RB1: variants seen among roughly 807,000 people sequenced by gnomAD.
RB1 encodes retinoblastoma-associated protein.
In RB1, 18 loss-of-function variants were observed where a neutral mutation model predicts 135.4. The observed-to-expected ratio is 0.13, with a 90% CI of 0.09 to 0.20. The LOEUF is 0.20. Ranked by LOEUF, RB1 falls within the 10% of genes least tolerant of loss-of-function variation. RB1 has a pLI of 1.00. For missense variants in RB1, 868 were observed against 1,110.0 expected (o/e 0.78, Z 3.10); for synonymous variants, 365 against 373.2 (o/e 0.98, Z 0.25).
chr13:48,423,054 C>T (rs570826230), intron 17 of RB1, among the ~76,000 whole-genome samples: 26 of 151,988 alleles, frequency 1.7e-4, no homozygotes, highest in African/African-American at 4.3e-4. Context: ...CACTTGGGCC[C>T]GGGAGATTGA....
intron 2 of RB1, among the ~76,000 whole-genome samples, chr13:48,335,819 G>T (rs1258826157): frequency 1.3e-5 from 2 of 151,962 alleles, no homozygotes; most frequent in East Asian, 3.9e-4. Context: ...AAGGAGACCT[G>T]GACCTTAAAA....
intron 17 of RB1, 64 bp from the exon 18 acceptor site, chr13:48,452,929 T>C: frequency 1.2e-6 from 2 of 1,601,184 alleles, no homozygotes; most frequent in Non-Finnish European, 1.7e-6. Flanking sequence ...CAATATGATT[T>C]TGATATGTAC....
intron 23 of RB1, among the ~76,000 whole-genome samples, chr13:48,466,715 G>T (rs1319400727): frequency 1.0e-5 from 1 of 99,938 alleles, no homozygotes; most frequent in Non-Finnish European, 2.1e-5. Flanking sequence ...GTGCTTAAAG[G>T]AGCTGATGGA....
chr13:48,373,293 G>A, intron 11 of RB1, 112 bp from the exon 12 acceptor site: 1 of 719,966 alleles, frequency 1.4e-6, no homozygotes, highest in South Asian at 1.6e-5. Context: ...AGAGACAAGT[G>A]GGAGGCAGTG....
chr13:48,323,364 AT>A (rs375348994), intron 2 of RB1, among the ~76,000 whole-genome samples: 32 of 151,322 alleles, frequency 2.1e-4, no homozygotes, highest in East Asian at 5.8e-4. Context: ...GTTAGTAGTA[AT>A]TTTTTTTTAT....
At chr13:48,342,248 A>G (rs751623097) in intron 2 of RB1, among the ~76,000 whole-genome samples, 1 of 151,988 alleles carries the variant, frequency 6.6e-6, no homozygotes, top group Admixed American at 6.5e-5. Flanking sequence ...AACAAATTAT[A>G]TGTTATGGAC....
intron 6 of RB1, 78 bp downstream of exon 6, chr13:48,349,101 C>T: frequency 1.4e-6 from 2 of 1,440,220 alleles, no homozygotes; most frequent in African/African-American, 1.4e-5. Flanking sequence ...CTAAATTCCC[C>T]AATTTTTATT....
chr13:48,465,032 A>G lies in RB1; in HGVS notation c.2246A>G (p.Tyr749Cys), dbSNP rs1949430638. ...FKRVLIKEEE[Y>C]DSIIVFYNSV... ...CGTGTTTTGATCAAAGAAGAGGAGT[A>G]TGATTCTATTATAGTATTCTATAAC... Residue 749 changes from tyrosine to cysteine, a missense_variant, in exon 22 of 27, where the codon TAT becomes TGT. By Grantham distance (194) the Tyr-to-Cys change is radical (BLOSUM62 -2). Around this residue, in one of 3 missense-constraint regions of RB1, gnomAD observed 196 missense variants for 239.8 expected, o/e 0.82. Coordinates refer to ENST00000267163, the MANE Select transcript of RB1 (RefSeq NM_000321.3). The G allele has an allele frequency of 5.3e-6, 8 of 1,511,830 alleles. No individual in the cohort carries two copies. Among genetic ancestry groups the G allele is most frequent in the Non-Finnish European group, 7.1e-6 (8 of 1,121,878 alleles). 93.7% of individuals were successfully genotyped at this position (1,511,830 alleles called of 1,614,324 possible).
intron 17 of RB1, among the ~76,000 whole-genome samples, chr13:48,403,900 C>T (rs970821222): frequency 6.6e-6 from 1 of 152,052 alleles, no homozygotes; most frequent in Non-Finnish European, 1.5e-5. Context: ...ACTTGGGAGG[C>T]TGAGGAGGGA....
chr13:48,318,999 C>G (rs1277064850), intron 2 of RB1: 4 of 728,592 alleles, frequency 5.5e-6, no homozygotes, highest in Non-Finnish European at 9.9e-6. Context: ...TACATGGGGG[C>G]CGGCAGGGTA....
chr13:48,454,344 T>C (rs1025814730), intron 18 of RB1, among the ~76,000 whole-genome samples: 1 of 152,258 alleles, frequency 6.6e-6, no homozygotes, highest in African/African-American at 2.4e-5. Flanking sequence ...TCCAGAGATG[T>C]CATTTTCATG....
Position 48,381,380 on chromosome 13 carries a change from A to G in RB1, c.1632A>G (p.Arg544=), listed in dbSNP as rs143948310. ...SFIKAEGNLT[R]EMIKHLERCE... is the part of the protein sequence containing the mutation. Reference sequence around the variant, plus strand: ...TCAAAGCAGAAGGCAACTTGACAAGAGAAATGATAAAACATTTAGAACGAT... The same window carrying G: ...TCAAAGCAGAAGGCAACTTGACAAGGGAAATGATAAAACATTTAGAACGAT... The change falls in exon 17 of 27, where the codon AGA becomes AGG. Residue 544 remains arginine, a synonymous_variant. Coordinates refer to ENST00000267163, the MANE Select transcript of RB1 (RefSeq NM_000321.3). The G allele has an allele frequency of 4.0e-4, 640 of 1,612,810 alleles. No individual in the cohort carries two copies. The African/African-American group carries it at 7.7e-3, about 19-fold the overall frequency.
chr13:48,304,789 C>T (rs921254682), intron 1 of RB1, among the ~76,000 whole-genome samples: 7 of 151,980 alleles, frequency 4.6e-5, no homozygotes, highest in Non-Finnish European at 8.8e-5. Flanking sequence ...TTGATGAACT[C>T]TTCTTGCGTG....
At chr13:48,432,217 T>C (rs558217466) in intron 17 of RB1, among the ~76,000 whole-genome samples, 1 of 152,116 alleles carries the variant, frequency 6.6e-6, no homozygotes, top group Non-Finnish European at 1.5e-5. Flanking sequence ...AATTAACCTT[T>C]AACTGATCAA....
chr13:48,317,687 G>T, intron 2 of RB1: 2 of 542,766 alleles, frequency 3.7e-6, no homozygotes, highest in Non-Finnish European at 5.6e-6. Flanking sequence ...GGCGGTGCCG[G>T]ATCCCCTTGG....
At position 48,476,852 on chromosome 13, in the gene RB1, C is replaced by G. The variant is rs2138359712; in HGVS notation, c.2663+9C>G. 1.9e-6 allele frequency: 3 copies of G among 1,613,106 alleles called. No individual in the cohort carries two copies. The highest frequency in any genetic ancestry group is 2.5e-6 in the Non-Finnish European group (3 of 1,179,316). On this transcript the variant is annotated intron_variant, in intron 25 of 26. Coordinates refer to ENST00000267163, the MANE Select transcript of RB1 (RefSeq NM_000321.3). The stretch of plus-strand genomic sequence containing the variant: ...GATGAAGCAGATGGAAGGTAGGAAC[C>G]AGTTTTGAATGTTTTCCAGTAGCCG...
At chr13:48,311,645 T>C (rs1384371148) in intron 2 of RB1, among the ~76,000 whole-genome samples, 1 of 152,226 alleles carries the variant, frequency 6.6e-6, no homozygotes, top group Non-Finnish European at 1.5e-5. Flanking sequence ...GAGGGAGAAA[T>C]ATGAAGCCTC....
intron 17 of RB1, among the ~76,000 whole-genome samples, chr13:48,450,722 T>G (rs1421378570): frequency 6.6e-6 from 1 of 152,180 alleles, no homozygotes; most frequent in Non-Finnish European, 1.5e-5. Flanking sequence ...GTGAAGAAAG[T>G]CAATGGTAGT....
intron 17 of RB1, among the ~76,000 whole-genome samples, chr13:48,437,242 G>C (rs1226345582): frequency 6.6e-6 from 1 of 152,184 alleles, no homozygotes; most frequent in Admixed American, 6.5e-5. Flanking sequence ...CAGTTAATTT[G>C]AGTAGATAAG....
Sources: gnomAD v4.1 joint callset for allele counts (sites outside exome capture counted in the v4.1 genomes callset) on GRCh38, gnomAD v4.1.1 for gene constraint, gnomAD v4.1.1 regional missense constraint, MANE v1.5 for transcripts, NCBI Gene and HGNC (gene_info 2026-07-23, HGNC 2026-07-21) for gene names.